KLF8: variants seen among roughly 807,000 people sequenced by gnomAD.
The protein encoded by KLF8 is KLF transcription factor 8, also known as Krueppel-like factor 8.
A neutral mutation model predicts 18.2 loss-of-function variants in KLF8; 10 were observed. The observed-to-expected ratio is 0.55, with a 90% CI of 0.34 to 0.93. The LOEUF (loss-of-function observed/expected upper bound fraction) is 0.93, where lower values mean the gene tolerates loss of function less well. KLF8 is among the 40% of genes least tolerant of loss of function. KLF8 has a pLI of 0.02. For missense variants in KLF8, 264 were observed against 277.9 expected (o/e 0.95, Z 0.36); for synonymous variants, 109 against 97.3 (o/e 1.12, Z -0.71).
chrX:56,088,199 G>T, the KLF8 span, among the ~76,000 whole-genome samples: 3 of 111,042 alleles, frequency 2.7e-5, no homozygotes, highest in African/African-American at 9.8e-5. Flanking sequence ...GCAATGCTCA[G>T]GGCAACGTAT....
the KLF8 span, among the ~76,000 whole-genome samples, chrX:56,085,037 A>G: frequency 8.9e-6 from 1 of 111,908 alleles, no homozygotes; most frequent in Non-Finnish European, 1.9e-5. Flanking sequence ...AAGCCTTTAT[A>G]AGGTTTTGAA....
chrX:56,155,759 C>A, the KLF8 span, among the ~76,000 whole-genome samples: 12 of 111,253 alleles, frequency 1.1e-4, no homozygotes, highest in Non-Finnish European at 2.1e-4. Flanking sequence ...AATCCCATCA[C>A]CCTGATAGTG....
chrX:56,102,527 G>T, the KLF8 span, among the ~76,000 whole-genome samples: 1 of 111,201 alleles, frequency 9.0e-6, no homozygotes, highest in East Asian at 2.8e-4. Context: ...GAATAGGTAT[G>T]AATCTATAAA....
chrX:55,945,837 C>T, the KLF8 span, among the ~76,000 whole-genome samples: 1 of 110,873 alleles, frequency 9.0e-6, no homozygotes, highest in African/African-American at 3.3e-5. Context: ...CATTCTTATA[C>T]ACCAGTAACA....
the KLF8 span, among the ~76,000 whole-genome samples, chrX:56,079,954 G>C: frequency 1.8e-5 from 2 of 111,055 alleles, no homozygotes; most frequent in Non-Finnish European, 3.8e-5. Context: ...TGTTTTATCA[G>C]AGACTAGGAT....
the KLF8 span, among the ~76,000 whole-genome samples, chrX:56,154,298 C>T: frequency 9.0e-6 from 1 of 111,302 alleles, no homozygotes. Context: ...AAAATAATAC[C>T]ACACATCTAT....
chrX:56,211,537 G>T, the KLF8 span, among the ~76,000 whole-genome samples: 2 of 112,022 alleles, frequency 1.8e-5, no homozygotes, highest in African/African-American at 6.5e-5. Flanking sequence ...CGTGGCTACT[G>T]TCTAAGTTTG....
At chrX:55,990,861 G>T in the KLF8 span, among the ~76,000 whole-genome samples, 1 of 111,422 alleles carries the variant, frequency 9.0e-6, no homozygotes, top group Non-Finnish European at 1.9e-5. Flanking sequence ...TCCTCTGGAA[G>T]TTTTGTCTCA....
chrX:56,105,889 G>T, the KLF8 span, among the ~76,000 whole-genome samples: 1 of 111,056 alleles, frequency 9.0e-6, no homozygotes, highest in Non-Finnish European at 1.9e-5. Context: ...TGCTTCTTTG[G>T]GGAGCTCTTG....
the KLF8 span, among the ~76,000 whole-genome samples, chrX:55,984,406 A>T: frequency 9.0e-6 from 1 of 110,679 alleles, no homozygotes; most frequent in Admixed American, 9.6e-5. Flanking sequence ...ATGGCTTCCA[A>T]CTCCATCCAT....
the KLF8 span, among the ~76,000 whole-genome samples, chrX:55,960,636 A>C: frequency 9.1e-6 from 1 of 110,361 alleles, no homozygotes; most frequent in South Asian, 3.9e-4. Context: ...GAAAAGAAGA[A>C]GAAGGAGAAG....
At chrX:56,158,579 G>A in the KLF8 span, among the ~76,000 whole-genome samples, 1 of 111,515 alleles carries the variant, frequency 9.0e-6, no homozygotes, top group Non-Finnish European at 1.9e-5. Context: ...GCAGTGGTTT[G>A]TAGTTCTCCT....
chrX:56,127,495 T>C, the KLF8 span, among the ~76,000 whole-genome samples: 2 of 109,968 alleles, frequency 1.8e-5, no homozygotes, highest in African/African-American at 6.6e-5. Context: ...ACCCTGTCTT[T>C]ACAAAAATAA....
At chrX:56,132,200 G>T in the KLF8 span, among the ~76,000 whole-genome samples, 1 of 111,388 alleles carries the variant, frequency 9.0e-6, no homozygotes, top group South Asian at 3.7e-4. Flanking sequence ...ATTCATCAGT[G>T]CATGGAACTT....
chrX:56,054,131 G>A, the KLF8 span, among the ~76,000 whole-genome samples: 8 of 108,487 alleles, frequency 7.4e-5, no homozygotes, highest in East Asian at 2.8e-4. Context: ...ATTTATTTAT[G>A]TATTTATTTA....
At chrX:55,942,523 A>T in the KLF8 span, among the ~76,000 whole-genome samples, 14 of 111,434 alleles carry the variant, frequency 1.3e-4, no homozygotes, top group Admixed American at 9.6e-4. Flanking sequence ...TATAATAATA[A>T]TAAAATTAAT....
chrX:55,973,879 C>T, the KLF8 span, among the ~76,000 whole-genome samples: 1 of 111,640 alleles, frequency 9.0e-6, no homozygotes, highest in South Asian at 3.7e-4. Context: ...AAGACACCTG[C>T]AGTTGTTTGT....
the KLF8 span, among the ~76,000 whole-genome samples, chrX:56,129,911 C>T: frequency 9.1e-6 from 1 of 109,976 alleles, no homozygotes; most frequent in Non-Finnish European, 1.9e-5. Context: ...CCCCTACTTC[C>T]CTAACAACCT....
the KLF8 span, among the ~76,000 whole-genome samples, chrX:55,947,682 C>A: frequency 1.8e-5 from 2 of 111,149 alleles, no homozygotes; most frequent in East Asian, 5.6e-4. Flanking sequence ...GGGATCAGAG[C>A]AGAATCAAAT....
Sources: gnomAD v4.1 joint callset for allele counts (sites outside exome capture counted in the v4.1 genomes callset) on GRCh38, gnomAD v4.1.1 for gene constraint, MANE v1.5 for transcripts, NCBI Gene and HGNC (gene_info 2026-07-23, HGNC 2026-07-21) for gene names.